Variants in PAX5 observed in about 807,000 individuals in gnomAD.
The protein encoded by PAX5 is paired box 5, also known as paired box protein Pax-5.
A neutral mutation model predicts 43.7 loss-of-function variants in PAX5; 9 were observed. That is an observed-to-expected ratio of 0.21 (90% CI 0.12 to 0.36). The LOEUF is 0.36. Among genes scored for constraint, PAX5 ranks in the 10% least tolerant of loss-of-function variants. The probability of loss-of-function intolerance (pLI) is 1.00; values close to 1 mark genes in which losing one functional copy is unlikely to be tolerated. For synonymous variants in PAX5, 228 were observed against 214.3 expected (o/e 1.06, Z -0.56); for missense variants, 383 against 532.7 (o/e 0.72, Z 2.77).
At chr9:36,937,285 T>G (rs1451568394) in intron 6 of PAX5, among the ~76,000 whole-genome samples, 1 of 152,164 alleles carries the variant, frequency 6.6e-6, no homozygotes, top group African/African-American at 2.4e-5. Flanking sequence ...CCTTTACAGA[T>G]GATGAAAATG....
Position 36,882,896 on chromosome 9 carries a change from C to T in PAX5, c.911-791G>A, listed in dbSNP as rs1251700414. On this transcript the variant is annotated intron_variant, in intron 7 of 9. Transcript: ENST00000358127. The surrounding 1 kb of genome is among the most constrained non-coding windows in gnomAD (Gnocchi z 4.4). Reference sequence around the variant, plus strand: ...CTCAGCTGGGACACTGTCACCATCACTGATTGGCTCCATCACGCAGAGGAA... The same window carrying T: ...CTCAGCTGGGACACTGTCACCATCATTGATTGGCTCCATCACGCAGAGGAA... Among the ~76,000 whole-genome samples, 1 of 152,246 alleles carries T rather than the reference C, an allele frequency of 6.6e-6. No individual in the cohort carries two copies. Among genetic ancestry groups the T allele is most frequent in the East Asian group, 1.9e-4 (1 of 5,200 alleles).
rs1839294206 is a variant in PAX5, at chr9:37,015,264, G to T, written c.213-70C>A. On this transcript the variant is annotated intron_variant, in intron 2 of 9. Transcript: ENST00000358127. This position sits in a 1 kb window ranked among gnomAD's most constrained non-coding sequence, Gnocchi z 4.4. ...AGTGGATATTGGCAACAAAATAACG[G>T]GCTACTCTGGCCAGGAAACGTCCGG... 7.3e-7 allele frequency: 1 copy of T among 1,378,322 alleles called. No individual in the cohort carries two copies. The highest frequency in any genetic ancestry group is 1.0e-6 in the Non-Finnish European group (1 of 971,246). 85.4% of individuals were successfully genotyped at this position (1,378,322 alleles called of 1,614,324 possible).
At chr9:36,992,401 G>T (rs1160506906) in intron 5 of PAX5, among the ~76,000 whole-genome samples, 2 of 152,192 alleles carry the variant, frequency 1.3e-5, no homozygotes, top group Non-Finnish European at 2.9e-5. Context: ...AGCTAAGCTG[G>T]ATGGGGAGAA....
chr9:36,945,118 C>T (rs143738749), intron 6 of PAX5, among the ~76,000 whole-genome samples: 25 of 152,298 alleles, frequency 1.6e-4, no homozygotes, highest in Non-Finnish European at 3.2e-4. Flanking sequence ...AAGTTCCTCT[C>T]TGTATAACAC....
At chr9:37,033,315 G>A (rs993208266) in intron 1 of PAX5, among the ~76,000 whole-genome samples, 3 of 152,176 alleles carry the variant, frequency 2.0e-5, no homozygotes, top group Non-Finnish European at 2.9e-5. Context: ...CCAGACCCAC[G>A]TCTAGGAGTT....
At chr9:37,033,942 G>A (rs768002731) in intron 1 of PAX5, 44 bp downstream of exon 1, 8 of 1,598,966 alleles carry the variant, frequency 5.0e-6, no homozygotes, top group East Asian at 4.5e-5. Flanking sequence ...AGGCCTGGCC[G>A]TGTCCCGGAG....
intron 5 of PAX5, among the ~76,000 whole-genome samples, chr9:36,976,467 T>C (rs369763529): frequency 6.6e-6 from 1 of 152,150 alleles, no homozygotes; most frequent in East Asian, 1.9e-4. Flanking sequence ...CCAGGTTAAG[T>C]TGGCAAACGC....
intron 5 of PAX5, among the ~76,000 whole-genome samples, chr9:36,986,327 G>A (rs1012067166): frequency 4.0e-3 from 586 of 147,060 alleles, no homozygotes; most frequent in Non-Finnish European, 6.1e-3. Context: ...AGGGCGCGCC[G>A]CCGCCTCCAC....
chr9:37,033,506 A>C (rs1047502173), intron 1 of PAX5, among the ~76,000 whole-genome samples: 1 of 152,146 alleles, frequency 6.6e-6, no homozygotes, highest in Non-Finnish European at 1.5e-5. Flanking sequence ...TTACATAAAT[A>C]ACACTCATAG....
At chr9:36,929,233 AGGAGGAAGGAAGGAAGGAAG>A (rs1830914717) in intron 6 of PAX5, among the ~76,000 whole-genome samples, 1 of 137,282 alleles carries the variant, frequency 7.3e-6, no homozygotes, top group African/African-American at 2.8e-5. Context: ...GAAGGAAGGA[AGGAGGAAGGAAGGAAGGAAG>A]GAAGGAAGGA....
chr9:36,980,918 G>A (rs1313987975), intron 5 of PAX5, among the ~76,000 whole-genome samples: 1 of 151,980 alleles, frequency 6.6e-6, no homozygotes, highest in Non-Finnish European at 1.5e-5. Context: ...GGCTTTACTG[G>A]TACTTAACTG....
intron 6 of PAX5, among the ~76,000 whole-genome samples, chr9:36,953,391 G>A (rs540369875): frequency 6.6e-6 from 1 of 152,196 alleles, no homozygotes; most frequent in East Asian, 1.9e-4. Context: ...AAAATTCCCA[G>A]CCATTGTTAT....
intron 1 of PAX5, among the ~76,000 whole-genome samples, chr9:37,032,348 G>A (rs1407361866): frequency 1.3e-5 from 2 of 152,014 alleles, no homozygotes; most frequent in Non-Finnish European, 1.5e-5. Flanking sequence ...ACACATCCCC[G>A]CCTCATTCCC....
chr9:36,923,573 G>A (rs1707012554), intron 6 of PAX5, 89 bp from the exon 7 acceptor site: 1 of 1,483,434 alleles, frequency 6.7e-7, no homozygotes, highest in South Asian at 1.3e-5. Flanking sequence ...CAGCCACCAA[G>A]CTGAGTTAGT....
At chr9:36,868,397 CG>C (rs1361334702) in intron 8 of PAX5, among the ~76,000 whole-genome samples, 1 of 152,226 alleles carries the variant, frequency 6.6e-6, no homozygotes, top group Non-Finnish European at 1.5e-5. Flanking sequence ...AGCCAGGAGA[CG>C]GGCGCACGGG....
Position 36,837,982 on chromosome 9 carries a change from CA to C in PAX5, c.*2577del, listed in dbSNP as rs1416616354. 4 of 233,216 alleles carry C rather than the reference CA, an allele frequency of 1.7e-5. No homozygotes were observed. The highest frequency in any genetic ancestry group is 2.5e-5 in the Non-Finnish European group (3 of 118,094). The allele number at this position is 233,216 out of a possible 1,614,324, so 14.4% of individuals were successfully genotyped here. A position where few individuals can be genotyped will look rare whatever the true frequency, so the allele number is the denominator to read the frequency against. On this transcript the variant is annotated 3_prime_UTR_variant, in exon 10 of 10. Coordinates refer to ENST00000358127, the MANE Select transcript of PAX5 (RefSeq NM_016734.3). ...ACACATCATTCCAAAAGAAGGGTGA[CA>C]GGGGGCAGAGGCTCAAGAAGTCTGT...
chr9:37,031,490 T>C (rs1388537848), intron 1 of PAX5, among the ~76,000 whole-genome samples: 2 of 152,148 alleles, frequency 1.3e-5, no homozygotes, highest in East Asian at 3.8e-4. Context: ...ATCTAAGGAC[T>C]CAAGGGTTCC....
At chr9:37,011,144 A>AAAAAAAAAAG (rs1564074650) in intron 3 of PAX5, among the ~76,000 whole-genome samples, 11 of 145,548 alleles carry the variant, frequency 7.6e-5, no homozygotes, top group Admixed American at 1.4e-4. Context: ...AAAAAAAAAA[A>AAAAAAAAAAG]AAAGAAAGAG....
intron 1 of PAX5, among the ~76,000 whole-genome samples, chr9:37,026,356 C>T (rs1031964483): frequency 6.6e-6 from 1 of 152,272 alleles, no homozygotes; most frequent in Non-Finnish European, 1.5e-5. Context: ...TGCCTCAGCC[C>T]GGGCGGCCAA....
Sources: allele counts gnomAD v4.1 joint callset (sites outside exome capture counted in the v4.1 genomes callset), GRCh38; gene constraint gnomAD v4.1.1; non-coding constraint Gnocchi (gnomAD v3.1); transcripts MANE v1.5; gene names NCBI Gene and HGNC (gene_info 2026-07-23, HGNC 2026-07-21).